The following NEMP2 variants were observed in gnomAD, a reference collection of about 807,000 sequenced individuals.
NEMP2 encodes UPF0571 transmembrane protein.
In NEMP2, 53 loss-of-function variants were observed where a neutral mutation model predicts 54.2. The ratio of observed to expected loss-of-function variants is 0.98; its 90% CI spans 0.78 to 1.23. The LOEUF is 1.23. NEMP2 is among the 50% of genes most tolerant of loss of function. The probability of loss-of-function intolerance (pLI) is 0.00; values close to 1 mark genes in which losing one functional copy is unlikely to be tolerated. For missense variants in NEMP2, 455 were observed against 511.3 expected (o/e 0.89, Z 1.06); for synonymous variants, 197 against 190.3 (o/e 1.04, Z -0.29).
chr2:190,425,830 T>C, the NEMP2 span, among the ~76,000 whole-genome samples: 1 of 152,318 alleles, frequency 6.6e-6, no homozygotes, highest in Middle Eastern at 3.4e-3. This position sits in a 1 kb window ranked among gnomAD's most constrained non-coding sequence, Gnocchi z 4.3. Flanking sequence ...AGTCTTTTTT[T>C]CTGGATATAG....
chr2:190,509,336 A>T lies in NEMP2; in HGVS notation c.1131-24T>A. On this transcript the variant is annotated intron_variant, in intron 8 of 8. Transcript: ENST00000409150. This position sits in a 1 kb window ranked among gnomAD's most constrained non-coding sequence, Gnocchi z 6.1. The stretch of plus-strand genomic sequence containing the variant: ...ATCTAACAAGTTTTTTGTTTTAAAT[A>T]AAGTTAATGTTATCTCAGGAAGGTT... 6.5e-7 allele frequency: 1 copy of T among 1,549,830 alleles called. No individual in the cohort carries two copies. The highest frequency in any genetic ancestry group is 8.7e-7 in the Non-Finnish European group (1 of 1,145,528).
At chr2:190,614,070 T>G in the NEMP2 span, among the ~76,000 whole-genome samples, 2 of 152,080 alleles carry the variant, frequency 1.3e-5, no homozygotes, top group African/African-American at 4.8e-5. This position sits in a 1 kb window ranked among gnomAD's most constrained non-coding sequence, Gnocchi z 5.7. Flanking sequence ...TGAAACATGG[T>G]GTACACAAGA....
upstream of NEMP2, among the ~76,000 whole-genome samples, chr2:190,536,643 G>A (rs73979288): frequency 6.0e-3 from 915 of 152,286 alleles, 13 homozygotes; most frequent in African/African-American, 0.021. Flanking sequence ...GTCAACTAGT[G>A]AGGAGGAAAA....
At chr2:190,607,662 T>C in the NEMP2 span, 1 of 152,188 alleles carries the variant, frequency 6.6e-6, no homozygotes, top group East Asian at 1.9e-4. The surrounding 1 kb of genome is among the most constrained non-coding windows in gnomAD (Gnocchi z 5.2). Flanking sequence ...TTTATTGTGG[T>C]AAAATTAGAC....
chr2:190,582,281 G>A, the NEMP2 span, among the ~76,000 whole-genome samples: 4 of 152,266 alleles, frequency 2.6e-5, no homozygotes, highest in East Asian at 5.8e-4. The surrounding 1 kb of genome is among the most constrained non-coding windows in gnomAD (Gnocchi z 4.6). Context: ...TCAAGAGCTA[G>A]TTTTTCTATG....
rs746817235 is a variant in NEMP2 at position 190,512,589 on chromosome 2, A to C, written c.953+1864T>G. Among the ~76,000 whole-genome samples, 14 of 152,202 alleles carry C rather than the reference A, an allele frequency of 9.2e-5. No homozygotes were observed. Among genetic ancestry groups the C allele is most frequent in the Non-Finnish European group, 2.1e-4 (14 of 68,032 alleles). On this transcript the variant is annotated intron_variant, in intron 7 of 8. Coordinates refer to ENST00000409150, the MANE Select transcript of NEMP2 (RefSeq NM_001142645.2). The surrounding 1 kb of genome is among the most constrained non-coding windows in gnomAD (Gnocchi z 4.5). Reference sequence around the variant, plus strand: ...TATTATAGAACACAGCTAGTGCACAAAAGAACCATTGTGCAGAACACACTC... The same window carrying C: ...TATTATAGAACACAGCTAGTGCACACAAGAACCATTGTGCAGAACACACTC...
At chr2:190,584,209 GT>G in the NEMP2 span, among the ~76,000 whole-genome samples, 1 of 152,154 alleles carries the variant, frequency 6.6e-6, no homozygotes, top group Non-Finnish European at 1.5e-5. This position sits in a 1 kb window ranked among gnomAD's most constrained non-coding sequence, Gnocchi z 4.2. Context: ...GGTCAAAGAG[GT>G]AGGGTGGCAA....
At chr2:190,431,066 G>A in the NEMP2 span, among the ~76,000 whole-genome samples, 1 of 122,214 alleles carries the variant, frequency 8.2e-6, no homozygotes, top group African/African-American at 2.7e-5. The surrounding 1 kb of genome is among the most constrained non-coding windows in gnomAD (Gnocchi z 4.4). Flanking sequence ...CCTCCCAGAC[G>A]GGGTCGCAGC....
the NEMP2 span, among the ~76,000 whole-genome samples, chr2:190,431,163 C>T: frequency 2.4e-4 from 36 of 151,208 alleles, no homozygotes; most frequent in Non-Finnish European, 4.4e-4. The surrounding 1 kb of genome is among the most constrained non-coding windows in gnomAD (Gnocchi z 4.4). Context: ...CAGGCAGAGA[C>T]GCTCCTCACT....
chr2:190,622,521 A>G, the NEMP2 span, among the ~76,000 whole-genome samples: 2 of 152,212 alleles, frequency 1.3e-5, no homozygotes, highest in Non-Finnish European at 2.9e-5. Flanking sequence ...TTAGCTCAAA[A>G]TAAATCAAAG....
At chr2:190,580,981 C>CGAAT in the NEMP2 span, among the ~76,000 whole-genome samples, 1 of 152,182 alleles carries the variant, frequency 6.6e-6, no homozygotes, top group African/African-American at 2.4e-5. The surrounding 1 kb of genome is among the most constrained non-coding windows in gnomAD (Gnocchi z 5.3). Context: ...GGATTCCACC[C>CGAAT]TGTTTCTCTT....
downstream of NEMP2, among the ~76,000 whole-genome samples, chr2:190,499,406 G>A (rs929016009): frequency 6.6e-6 from 1 of 152,110 alleles, no homozygotes; most frequent in African/African-American, 2.4e-5. This position sits in a 1 kb window ranked among gnomAD's most constrained non-coding sequence, Gnocchi z 6.0. Flanking sequence ...ATTGCTGCTG[G>A]TGATGTTCTA....
the NEMP2 span, among the ~76,000 whole-genome samples, chr2:190,622,018 A>C: frequency 2.6e-5 from 4 of 152,138 alleles, no homozygotes; most frequent in Non-Finnish European, 5.9e-5. Context: ...GAGGCAGGAG[A>C]ATCACTTGAG....
the NEMP2 span, among the ~76,000 whole-genome samples, chr2:190,562,815 A>C: frequency 6.6e-6 from 1 of 152,194 alleles, no homozygotes; most frequent in Non-Finnish European, 1.5e-5. This position sits in a 1 kb window ranked among gnomAD's most constrained non-coding sequence, Gnocchi z 5.0. Flanking sequence ...CTAGGGTCTT[A>C]AGGCTTATTT....
chr2:190,597,451 T>C, the NEMP2 span, among the ~76,000 whole-genome samples: 1 of 152,182 alleles, frequency 6.6e-6, no homozygotes, highest in South Asian at 2.1e-4. The surrounding 1 kb of genome is among the most constrained non-coding windows in gnomAD (Gnocchi z 4.7). Context: ...TACATTACTA[T>C]CCACAAAATA....
rs1410651871 is a variant in NEMP2 at position 190,525,413 on chromosome 2, G to C, written c.98-35C>G. ...GGAAAAGGGAATGCATTTTCTAACT[G>C]TTTAATTGCCCAGAATCTTTTTTAA... On this transcript the variant is annotated intron_variant, in intron 1 of 8. Coordinates refer to ENST00000409150, the MANE Select transcript of NEMP2 (RefSeq NM_001142645.2). The surrounding 1 kb of genome is among the most constrained non-coding windows in gnomAD (Gnocchi z 5.0). The C allele has an allele frequency of 8.1e-7, 1 of 1,231,442 alleles. No homozygotes were observed. The highest frequency in any genetic ancestry group is 1.1e-6 in the Non-Finnish European group (1 of 872,498). 76.3% of individuals were successfully genotyped at this position (1,231,442 alleles called of 1,614,324 possible).
At chr2:190,461,185 C>T in the NEMP2 span, among the ~76,000 whole-genome samples, 1 of 152,212 alleles carries the variant, frequency 6.6e-6, no homozygotes. The surrounding 1 kb of genome is among the most constrained non-coding windows in gnomAD (Gnocchi z 5.5). Context: ...ACAGTGATCC[C>T]TTCAGGTTGA....
the NEMP2 span, among the ~76,000 whole-genome samples, chr2:190,484,390 C>G: frequency 6.6e-6 from 1 of 152,180 alleles, no homozygotes; most frequent in East Asian, 1.9e-4. Context: ...TTTCACAGTT[C>G]TCTAATAACT....
chr2:190,622,733 A>T, the NEMP2 span, among the ~76,000 whole-genome samples: 5 of 152,198 alleles, frequency 3.3e-5, no homozygotes, highest in Admixed American at 2.6e-4. Flanking sequence ...AGGAATTTGT[A>T]TCAGAATATA....
Sources: allele counts gnomAD v4.1 joint callset (sites outside exome capture counted in the v4.1 genomes callset), GRCh38; gene constraint gnomAD v4.1.1; non-coding constraint Gnocchi (gnomAD v3.1); transcripts MANE v1.5; gene names NCBI Gene and HGNC (gene_info 2026-07-23, HGNC 2026-07-21).